Variants in RNF150 observed in about 807,000 individuals in gnomAD.
RNF150 encodes ring finger protein 150.
Under a neutral mutation model 39.3 loss-of-function variants are expected in RNF150, and 24 were observed. The ratio of observed to expected loss-of-function variants is 0.61; its 90% CI spans 0.44 to 0.86. The LOEUF (loss-of-function observed/expected upper bound fraction) is 0.86. Among genes scored for constraint, RNF150 ranks in the 40% least tolerant of loss-of-function variants. The probability of loss-of-function intolerance (pLI) is 0.00; values close to 1 mark genes in which losing one functional copy is unlikely to be tolerated. For missense variants in RNF150, 502 were observed against 587.8 expected (o/e 0.85, Z 1.51); for synonymous variants, 255 against 227.3 (o/e 1.12, Z -1.10).
At chr4:141,212,219 C>A (rs1282544050) in intron 1 of RNF150, among the ~76,000 whole-genome samples, 1 of 152,134 alleles carries the variant, frequency 6.6e-6, no homozygotes, top group African/African-American at 2.4e-5. Flanking sequence ...TCTCCAACAG[C>A]CGGGTAGCAA....
At chr4:141,212,026 T>C (rs1403991958) in intron 1 of RNF150, among the ~76,000 whole-genome samples, 3 of 152,226 alleles carry the variant, frequency 2.0e-5, no homozygotes, top group Non-Finnish European at 1.5e-5. Context: ...AACCTTGAAC[T>C]ACTCAATCTG....
chr4:141,111,207 G>A (rs1231832794), intron 1 of RNF150, among the ~76,000 whole-genome samples: 1 of 152,208 alleles, frequency 6.6e-6, no homozygotes, highest in Admixed American at 6.5e-5. Context: ...AGCTAAGTGA[G>A]TTTTCCTCCC....
intron 1 of RNF150, among the ~76,000 whole-genome samples, chr4:141,081,853 A>T (rs2110981328): frequency 6.6e-6 from 1 of 152,334 alleles, no homozygotes; most frequent in Non-Finnish European, 1.5e-5. Context: ...ATATCAACGG[A>T]ATAGAAAAGG....
intron 1 of RNF150, among the ~76,000 whole-genome samples, chr4:141,102,323 A>G (rs1739041547): frequency 6.6e-6 from 1 of 152,178 alleles, no homozygotes; most frequent in Non-Finnish European, 1.5e-5. Context: ...GCCAGTAGAC[A>G]TGGGACATAG....
intron 1 of RNF150, among the ~76,000 whole-genome samples, chr4:141,053,401 C>T (rs1419365901): frequency 6.6e-6 from 1 of 151,974 alleles, no homozygotes; most frequent in Non-Finnish European, 1.5e-5. Flanking sequence ...TTAGCAAAAT[C>T]ATAAGAAAAA....
chr4:141,161,395 A>C (rs1157817821), intron 1 of RNF150, among the ~76,000 whole-genome samples: 2 of 152,178 alleles, frequency 1.3e-5, no homozygotes, highest in African/African-American at 4.8e-5. Context: ...TAAGCAAAGA[A>C]ATGACCTAAA....
intron 6 of RNF150, among the ~76,000 whole-genome samples, chr4:140,892,614 GCTAA>G (rs747445481): frequency 2.0e-5 from 3 of 152,236 alleles, no homozygotes; most frequent in Non-Finnish European, 4.4e-5. Flanking sequence ...TTTGTATCCT[GCTAA>G]CTCTGTCTCC....
chr4:141,121,504 C>T (rs1049808532), intron 1 of RNF150, among the ~76,000 whole-genome samples: 6 of 152,242 alleles, frequency 3.9e-5, no homozygotes, highest in Non-Finnish European at 7.4e-5. Flanking sequence ...GAGGACTGCT[C>T]GTATAATAAT....
At chr4:140,950,765 A>G (rs1732511289) in intron 2 of RNF150, among the ~76,000 whole-genome samples, 1 of 152,246 alleles carries the variant, frequency 6.6e-6, no homozygotes, top group Admixed American at 6.5e-5. Context: ...AGTTAAAGTC[A>G]TTAGCAGAAA....
At chr4:141,094,431 A>G (rs1738700944) in intron 1 of RNF150, among the ~76,000 whole-genome samples, 1 of 152,282 alleles carries the variant, frequency 6.6e-6, no homozygotes, top group South Asian at 2.1e-4. Context: ...GTAACTATTA[A>G]TATAGAATAT....
At chr4:141,070,254 A>G (rs1251941654) in intron 1 of RNF150, among the ~76,000 whole-genome samples, 2 of 152,236 alleles carry the variant, frequency 1.3e-5, no homozygotes, top group East Asian at 1.9e-4. Context: ...AGATTTAAAC[A>G]TTAGACCTAA....
At chr4:140,879,835 T>C (rs909662385) in intron 6 of RNF150, among the ~76,000 whole-genome samples, 1 of 151,966 alleles carries the variant, frequency 6.6e-6, no homozygotes, top group Non-Finnish European at 1.5e-5. Flanking sequence ...AAAAAAAAAA[T>C]TTGCACCTAG....
intron 1 of RNF150, among the ~76,000 whole-genome samples, chr4:141,095,133 A>G (rs1253536817): frequency 6.6e-6 from 1 of 152,230 alleles, no homozygotes; most frequent in African/African-American, 2.4e-5. Context: ...AGCTCACCCA[A>G]AGGTGGGCCA....
At chr4:141,042,229 C>T (rs1255237981) in intron 1 of RNF150, among the ~76,000 whole-genome samples, 1 of 152,058 alleles carries the variant, frequency 6.6e-6, no homozygotes, top group African/African-American at 2.4e-5. Context: ...ACACATTTTA[C>T]ATTTGGAGAT....
chr4:140,870,513 G>A (rs1355679928), intron 6 of RNF150, among the ~76,000 whole-genome samples: 4 of 151,958 alleles, frequency 2.6e-5, no homozygotes, highest in African/African-American at 9.7e-5. Flanking sequence ...CTTCTCCAGA[G>A]CCACCTGGTG....
At position 140,999,977 on chromosome 4, in the gene RNF150, A is replaced by AGAAG. The variant is rs70946722; in HGVS notation, c.485-32105_485-32104insCTTC. Among the ~76,000 whole-genome samples, 173 of 34,560 alleles carry AGAAG rather than the reference A, an allele frequency of 5.0e-3. 12 individuals are homozygous for AGAAG. The highest frequency in any genetic ancestry group is 0.013 in the African/African-American group (138 of 10,418). 22.7% of individuals were successfully genotyped at this position (34,560 alleles called of 152,430 possible). A position where few individuals can be genotyped will look rare whatever the true frequency, so the allele number is the denominator to read the frequency against. The stretch of plus-strand genomic sequence containing the variant: ...AAGAAGAAGAAGAAGAAGAAGAAGA[A>AGAAG]AAGAAGAAAAGAAGAAAAGAAGAAG... On this transcript the variant is annotated intron_variant, in intron 1 of 6. Transcript: ENST00000515673.
Position 141,182,945 on chromosome 4 carries a change from A to G in RNF150, c.-6+29849T>C, listed in dbSNP as rs576615388. Among the ~76,000 whole-genome samples, 5 of 151,996 alleles carry G rather than the reference A, an allele frequency of 3.3e-5. No homozygotes were observed. In the East Asian group the frequency reaches 9.7e-4, roughly 29 times the overall value. On this transcript the variant is annotated intron_variant, in intron 1 of 7. Coordinates refer to the RNF150 transcript ENST00000420921. ...ACTTCAAACTATACTACAAGGCTAC[A>G]GTAACCAAAACAGCCTGGTACTGGT...
At chr4:141,023,348 C>G (rs997121980) in intron 1 of RNF150, among the ~76,000 whole-genome samples, 2 of 151,934 alleles carry the variant, frequency 1.3e-5, no homozygotes, top group African/African-American at 4.8e-5. Context: ...TGGGTTCAAG[C>G]AATTCTCCTG....
At chr4:141,025,205 TGCCAAAA>T (rs1436017003) in intron 1 of RNF150, among the ~76,000 whole-genome samples, 1 of 151,882 alleles carries the variant, frequency 6.6e-6, no homozygotes, top group East Asian at 1.9e-4. Context: ...TAAAAGGAAA[TGCCAAAA>T]ACACAAGAAA....
Sources: gnomAD v4.1 joint callset for allele counts (sites outside exome capture counted in the v4.1 genomes callset) on GRCh38, gnomAD v4.1.1 for gene constraint, MANE v1.5 for transcripts, NCBI Gene and HGNC (gene_info 2026-07-23, HGNC 2026-07-21) for gene names.